Variants in DHX30 observed in about 807,000 individuals in gnomAD.
DHX30 encodes the protein DExH-box helicase 30, also known as ATP-dependent RNA helicase DHX30.
A neutral mutation model predicts 116.9 loss-of-function variants in DHX30; 4 were observed. The ratio of observed to expected loss-of-function variants is 0.03; its 90% CI spans 0.02 to 0.08. DHX30 has a LOEUF of 0.08. Among genes scored for constraint, DHX30 ranks in the 10% least tolerant of loss-of-function variants. The pLI is 1.00. For missense variants in DHX30, 871 were observed against 1,595.1 expected, an observed-to-expected ratio of 0.55 and a Z score of 7.73; for synonymous variants, 697 against 651.7, an observed-to-expected ratio of 1.07 and a Z score of -1.06.
chr3:47,846,272 G>A lies in DHX30; in HGVS notation c.1200G>A (p.Lys400=). 1 of 1,614,236 alleles carries A rather than the reference G, an allele frequency of 6.2e-7. No homozygotes were observed. Among genetic ancestry groups the A allele is most frequent in the South Asian group, 1.1e-5 (1 of 91,086 alleles). Reference sequence around the variant, plus strand: ...CTCTGAGTGACCCTATCACAGGCAAGCCCTATGTGCCCCTGTTGGAAGCAG... The same window carrying A: ...CTCTGAGTGACCCTATCACAGGCAAACCCTATGTGCCCCTGTTGGAAGCAG... ...SGPLSDPITG[K]PYVPLLEAEE... is the part of the protein sequence containing the mutation. The change falls in exon 11 of 22, where the codon AAG becomes AAA. Residue 400 remains lysine (K), a synonymous_variant. Coordinates refer to ENST00000445061, the MANE Select transcript of DHX30 (RefSeq NM_138615.3).
chr3:47,846,709 G>A lies in DHX30; in HGVS notation c.1637G>A (p.Ser546Asn), dbSNP rs1184262023. The change falls in exon 11 of 22, where the codon AGC (serine) becomes AAC (asparagine). Residue 546 changes from serine to asparagine, a missense_variant. By Grantham distance (46) the Ser-to-Asn change is conservative. This residue lies in a region of DHX30 where 63 missense variants were observed against 180.6 expected (regional missense o/e 0.35). Coordinates refer to ENST00000445061, the MANE Select transcript of DHX30 (RefSeq NM_138615.3). Reference protein sequence around the residue: ...TVGILLRKLQSNPSLEGVSHV... With the variant: ...TVGILLRKLQNNPSLEGVSHV... ...GGTATCCTGCTGCGTAAGCTGCAGA[G>A]CAACCCCAGCCTGGAGGGCGTGAGC... 1 of 1,614,030 alleles carries A rather than the reference G, an allele frequency of 6.2e-7. No individual in the cohort carries two copies. Among genetic ancestry groups the A allele is most frequent in the African/African-American group, 1.3e-5 (1 of 75,074 alleles).
intron 4 of DHX30, among the ~76,000 whole-genome samples, chr3:47,819,760 A>T (rs2036215110): frequency 6.6e-6 from 1 of 152,066 alleles, no homozygotes; most frequent in Non-Finnish European, 1.5e-5. Context: ...AAAAAAAATG[A>T]TCACCTCCCT....
intron 6 of DHX30, among the ~76,000 whole-genome samples, 153 bp downstream of exon 6, chr3:47,829,287 G>GATATATATAT (rs1189388149): frequency 3.9e-4 from 14 of 35,840 alleles, no homozygotes; most frequent in African/African-American, 1.4e-3. Flanking sequence ...CAGCCAATGA[G>GATATATATAT]ATATATATAT....
At chr3:47,839,280 CTTTTTTTTTTT>C (rs59932351) in intron 6 of DHX30, among the ~76,000 whole-genome samples, 1 of 129,806 alleles carries the variant, frequency 7.7e-6, no homozygotes, top group African/African-American at 3.0e-5. Flanking sequence ...CTTATATTCT[CTTTTTTTTTTT>C]TTTTTTTTTG....
At position 47,849,647 on chromosome 3, in the gene DHX30, G is replaced by A. The variant is rs772112049; in HGVS notation, c.3209G>A (p.Arg1070Gln). 9 of 1,614,228 alleles carry A rather than the reference G, an allele frequency of 5.6e-6. No individual in the cohort carries two copies. Among genetic ancestry groups the A allele is most frequent in the East Asian group, 2.2e-5 (1 of 44,894 alleles). ...TTCCCTAGGGAGGCCACACGGTTAC[G>A]GAGCCGATGGCTGACGTATTTCATG... Reference protein sequence around the residue: ...STINREATRLRSRWLTYFMAV... With the variant: ...STINREATRLQSRWLTYFMAV... The change falls in exon 21 of 22, where the codon CGG becomes CAG. Residue 1070 changes from arginine to glutamine, a missense_variant. Physicochemically the swap from Arg to Gln is conservative, Grantham distance 43 (BLOSUM62 1). Coordinates refer to ENST00000445061, the MANE Select transcript of DHX30 (RefSeq NM_138615.3).
At chr3:47,843,047 C>T (rs2037452214) in intron 8 of DHX30, 59 bp from the exon 9 acceptor site, 3 of 1,595,442 alleles carry the variant, frequency 1.9e-6, no homozygotes, top group Non-Finnish European at 8.6e-7. Flanking sequence ...TCTGAGAATG[C>T]CCCAAGTCTC....
chr3:47,849,862 C>T lies in DHX30; in HGVS notation c.3332-5C>T. ...AGTTCCCCACCATCTTTTCCATTCC[C>T]TCAGATGACGGGCGCCGGGCCACCA... On this transcript the variant is annotated splice_polypyrimidine_tract_variant and splice_region_variant and intron_variant, in intron 21 of 21. Coordinates refer to ENST00000445061, the MANE Select transcript of DHX30 (RefSeq NM_138615.3). 1 of 1,611,776 alleles carries T rather than the reference C, an allele frequency of 6.2e-7. No homozygotes were observed. Among genetic ancestry groups the T allele is most frequent in the Non-Finnish European group, 8.5e-7 (1 of 1,178,336 alleles).
intron 2 of DHX30, among the ~76,000 whole-genome samples, chr3:47,806,670 C>G (rs1307541572): frequency 6.6e-6 from 1 of 151,968 alleles, no homozygotes; most frequent in Non-Finnish European, 1.5e-5. Flanking sequence ...TGGTCTCGAA[C>G]TCCTGACTTT....
At chr3:47,824,759 C>A (rs966276453) in intron 4 of DHX30, 111 of 366,690 alleles carry the variant, frequency 3.0e-4, no homozygotes, top group Non-Finnish European at 4.3e-5. Context: ...TTATTTTCCC[C>A]CCAACAGCCT....
intron 6 of DHX30, among the ~76,000 whole-genome samples, chr3:47,837,080 C>T (rs935469001): frequency 5.4e-5 from 7 of 128,828 alleles, no homozygotes; most frequent in Non-Finnish European, 1.8e-5. Flanking sequence ...CATAAATGCA[C>T]CCCAGCCTCC....
chr3:47,831,412 G>T (rs910133145), intron 6 of DHX30, among the ~76,000 whole-genome samples: 1 of 152,154 alleles, frequency 6.6e-6, no homozygotes, highest in African/African-American at 2.4e-5. Flanking sequence ...TGTCATTGGG[G>T]ATCACATTTT....
At chr3:47,824,829 G>C (rs1229842837) in intron 4 of DHX30, 3 of 424,758 alleles carry the variant, frequency 7.1e-6, no homozygotes, top group Non-Finnish European at 1.2e-5. Flanking sequence ...TGGAGAGTGA[G>C]CTCTGCAGGG....
chr3:47,823,201 ACCC>A (rs1406734072), intron 4 of DHX30, among the ~76,000 whole-genome samples: 1 of 151,702 alleles, frequency 6.6e-6, no homozygotes, highest in East Asian at 1.9e-4. Flanking sequence ...GGGAGAAACC[ACCC>A]CCATGATTCA....
At chr3:47,831,214 G>A (rs538244160) in intron 6 of DHX30, 2 of 152,208 alleles carry the variant, frequency 1.3e-5, no homozygotes, top group South Asian at 4.2e-4. Context: ...TGAGGCCTCA[G>A]GAAGTCATGG....
In DHX30 at chr3:47,805,868, G is replaced by A. The variant is rs545055233; in HGVS notation, c.-28+448G>A. On this transcript the variant is annotated intron_variant, in intron 2 of 21. Coordinates refer to ENST00000445061, the MANE Select transcript of DHX30 (RefSeq NM_138615.3). ...AAGGGTATCATTTTTAGTCATTGTG[G>A]AGTCTCTGTCCTGGAACCATCCCCA... Among the ~76,000 whole-genome samples the A allele has an allele frequency of 2.0e-5, 3 of 152,210 alleles. No homozygotes were observed. The East Asian group carries it at 5.8e-4, about 29-fold the overall frequency.
intron 4 of DHX30, among the ~76,000 whole-genome samples, chr3:47,825,699 G>A (rs914759233): frequency 3.3e-5 from 5 of 152,284 alleles, no homozygotes; most frequent in East Asian, 1.9e-4. Context: ...ACTGTTGAAA[G>A]CATCAAGGAT....
Position 47,820,012 on chromosome 3 carries a change from C to T in DHX30, c.124+1895C>T, listed in dbSNP as rs576841975. Among the ~76,000 whole-genome samples the T allele has an allele frequency of 3.9e-5, 6 of 152,244 alleles. No homozygotes were observed. The South Asian group carries it at 1.0e-3, about 26-fold the overall frequency. On this transcript the variant is annotated intron_variant, in intron 4 of 21. Transcript: ENST00000445061. ...GCCCTCTTCTTGATGTGGTGGTTTA[C>T]GTCAAGAGACTTGTGGCTGGCCGGG...
At chr3:47,816,467 C>T (rs952963099) in intron 3 of DHX30, 5 of 970,084 alleles carry the variant, frequency 5.2e-6, no homozygotes, top group Middle Eastern at 1.1e-3. Flanking sequence ...AAGTCATTCT[C>T]GTGCCTCAGC....
At chr3:47,845,090 G>T (rs319693) in intron 9 of DHX30, among the ~76,000 whole-genome samples, 39,886 of 152,012 alleles carry the variant, frequency 0.26, 5,773 homozygotes, top group South Asian at 0.41. Context: ...GTGTTGGGGG[G>T]GCTGTAGCCA....
Sources: allele counts gnomAD v4.1 joint callset (sites outside exome capture counted in the v4.1 genomes callset), GRCh38; gene constraint gnomAD v4.1.1; regional missense constraint gnomAD v4.1.1; transcripts MANE v1.5; gene names NCBI Gene and HGNC (gene_info 2026-07-23, HGNC 2026-07-21).